TAFA4: variants seen among roughly 807,000 people sequenced by gnomAD.
TAFA4 encodes TAFA chemokine like family member 4, also known as chemokine-like protein TAFA-4.
TAFA4 carries 20 observed loss-of-function variants against 21.1 expected under a neutral mutation model. The ratio of observed to expected loss-of-function variants is 0.95; its 90% CI spans 0.67 to 1.38. The LOEUF is 1.38. Among genes scored for constraint, TAFA4 ranks in the 40% most tolerant of loss-of-function variants. The pLI, the probability that TAFA4 is intolerant of heterozygous loss-of-function variation, is 0.00. For synonymous variants in TAFA4, 71 were observed against 67.4 expected (o/e 1.05, Z -0.26); for missense variants, 211 against 180.9 (o/e 1.17, Z -0.95).
Position 68,883,956 on chromosome 3 carries a change from CAGGCAGGGAGGCAGGG to C in TAFA4, c.14+1203_14+1218del, listed in dbSNP as rs573124814. Among the ~76,000 whole-genome samples the C allele has an allele frequency of 9.9e-3, 1,474 of 148,606 alleles. 11 individuals carry two copies. Among genetic ancestry groups the C allele is most frequent in the Non-Finnish European group, 0.015 (1,001 of 67,560 alleles). ...CAAAAAAAGAAGGCAGGCAGGCAGGCAGGCAGGGAGGCAGGGAGGGAAAGACAAAAAAAAATGATGA... is the reference window on the plus strand; with the variant it reads ...CAAAAAAAGAAGGCAGGCAGGCAGGCAGGGAAAGACAAAAAAAAATGATGA... On this transcript the variant is annotated intron_variant, in intron 2 of 5. Coordinates refer to ENST00000295569, the MANE Select transcript of TAFA4 (RefSeq NM_182522.5).
At chr3:68,802,321 A>G (rs977893882) in intron 3 of TAFA4, among the ~76,000 whole-genome samples, 5 of 152,170 alleles carry the variant, frequency 3.3e-5, no homozygotes, top group Non-Finnish European at 7.3e-5. Flanking sequence ...TAATTCAAGT[A>G]TCCTAATTTA....
intron 5 of TAFA4, among the ~76,000 whole-genome samples, chr3:68,736,231 C>T (rs2106722620): frequency 6.6e-6 from 1 of 151,936 alleles, no homozygotes; most frequent in Admixed American, 6.6e-5. Context: ...CTTTAGCTCA[C>T]CGAATGCAGC....
In TAFA4 at chr3:68,746,906, G is replaced by A. The variant is rs138969335; in HGVS notation, c.286+5957C>T. On this transcript the variant is annotated intron_variant, in intron 4 of 5. Coordinates refer to ENST00000295569, the MANE Select transcript of TAFA4 (RefSeq NM_182522.5). Reference sequence around the variant, plus strand: ...ATTTGGACCTTGTTAATTCTTTATCGTGGCGGTCAATCCTGTACATTGTAA... The same window carrying A: ...ATTTGGACCTTGTTAATTCTTTATCATGGCGGTCAATCCTGTACATTGTAA... Among the ~76,000 whole-genome samples, 25 of 152,194 alleles carry A rather than the reference G, an allele frequency of 1.6e-4. No homozygotes were observed. In the East Asian group the frequency reaches 4.1e-3, roughly 25 times the overall value.
intron 5 of TAFA4, among the ~76,000 whole-genome samples, chr3:68,735,615 G>T (rs1702228493): frequency 6.6e-6 from 1 of 152,040 alleles, no homozygotes; most frequent in Non-Finnish European, 1.5e-5. Context: ...ATGACCCATG[G>T]TGATGGCCTA....
intron 1 of TAFA4, among the ~76,000 whole-genome samples, chr3:68,889,547 C>T (rs755437886): frequency 1.6e-4 from 24 of 152,130 alleles, no homozygotes; most frequent in Non-Finnish European, 2.9e-4. Flanking sequence ...AATACCTCTT[C>T]GGTCTGCTAC....
intron 3 of TAFA4, among the ~76,000 whole-genome samples, chr3:68,868,508 CA>C: frequency 6.6e-6 from 1 of 151,926 alleles, no homozygotes; most frequent in East Asian, 1.9e-4. Context: ...AGTGACAAAA[CA>C]AGTCTCAACA....
At chr3:68,758,710 A>G (rs1337395830) in intron 3 of TAFA4, among the ~76,000 whole-genome samples, 1 of 152,242 alleles carries the variant, frequency 6.6e-6, no homozygotes, top group Non-Finnish European at 1.5e-5. Flanking sequence ...TTCCTGGCAC[A>G]GGAGGTAGGT....
rs1304586262 is a variant in TAFA4, at chr3:68,732,424, G to A, written c.*718C>T. 3 of 152,440 alleles carry A rather than the reference G, an allele frequency of 2.0e-5. No individual in the cohort carries two copies. The highest frequency in any genetic ancestry group is 7.2e-5 in the African/African-American group (3 of 41,386). The allele number at this position is 152,440 out of a possible 1,614,324, so 9.4% of individuals were successfully genotyped here. A position where few individuals can be genotyped will look rare whatever the true frequency, so the allele number is the denominator to read the frequency against. On this transcript the variant is annotated 3_prime_UTR_variant, in exon 6 of 6. Coordinates refer to ENST00000295569, the MANE Select transcript of TAFA4 (RefSeq NM_182522.5). ...AGTTTTATAAATATGTTCTGATAGA[G>A]CTTTGGTTATAAAATATTGGAATTG...
At chr3:68,817,981 T>G (rs984617360) in intron 3 of TAFA4, among the ~76,000 whole-genome samples, 2 of 152,180 alleles carry the variant, frequency 1.3e-5, no homozygotes, top group African/African-American at 4.8e-5. Context: ...TTTGAAGCTT[T>G]GGAGCCTAGC....
chr3:68,767,783 A>AAT (rs916418744), intron 3 of TAFA4, among the ~76,000 whole-genome samples: 21 of 151,516 alleles, frequency 1.4e-4, no homozygotes, highest in Middle Eastern at 3.4e-3. Context: ...TATACATACA[A>AAT]ATATATATAT....
chr3:68,864,503 G>C (rs1043093983), intron 3 of TAFA4, among the ~76,000 whole-genome samples: 1 of 152,098 alleles, frequency 6.6e-6, no homozygotes, highest in Non-Finnish European at 1.5e-5. Context: ...TGGTGAGCAC[G>C]CATCGGTACA....
chr3:68,733,831 C>T (rs1030120768), intron 5 of TAFA4, among the ~76,000 whole-genome samples: 1 of 152,162 alleles, frequency 6.6e-6, no homozygotes, highest in African/African-American at 2.4e-5. Flanking sequence ...CATACCCAGG[C>T]TTTAGACCCA....
chr3:68,749,075 A>C (rs557449069), intron 4 of TAFA4, among the ~76,000 whole-genome samples: 4 of 152,342 alleles, frequency 2.6e-5, no homozygotes, highest in Non-Finnish European at 1.5e-5. Context: ...CCCATACCAC[A>C]GTCTCACGAT....
chr3:68,908,486 G>A (rs1484490184), intron 1 of TAFA4, among the ~76,000 whole-genome samples: 1 of 149,382 alleles, frequency 6.7e-6, no homozygotes, highest in East Asian at 2.0e-4. Context: ...AAGCTAAGAA[G>A]GGAAACAGCC....
intron 1 of TAFA4, among the ~76,000 whole-genome samples, chr3:68,924,686 C>A (rs976951766): frequency 1.3e-5 from 2 of 152,192 alleles, no homozygotes; most frequent in Non-Finnish European, 2.9e-5. Context: ...CCAGCAACAT[C>A]CTTACTCAAC....
chr3:68,903,385 A>T (rs935218809), intron 1 of TAFA4, among the ~76,000 whole-genome samples: 2 of 152,202 alleles, frequency 1.3e-5, no homozygotes, highest in Non-Finnish European at 2.9e-5. Context: ...GCAACAAACC[A>T]TTTAGCAGTT....
intron 4 of TAFA4, among the ~76,000 whole-genome samples, chr3:68,747,887 G>A (rs1702488430): frequency 2.0e-5 from 3 of 152,018 alleles, no homozygotes; most frequent in Non-Finnish European, 4.4e-5. Context: ...TCACATCAAG[G>A]GTCCTTTTAC....
chr3:68,784,490 G>A (rs931829332), intron 3 of TAFA4, among the ~76,000 whole-genome samples: 2 of 152,142 alleles, frequency 1.3e-5, no homozygotes, highest in African/African-American at 4.8e-5. Flanking sequence ...CCTTTGAGGT[G>A]AGTGTTACAG....
At chr3:68,913,201 T>G (rs1247800551) in intron 1 of TAFA4, among the ~76,000 whole-genome samples, 1 of 152,262 alleles carries the variant, frequency 6.6e-6, no homozygotes, top group East Asian at 1.9e-4. Flanking sequence ...CAAAACACTG[T>G]GCTGTGTGCT....
Sources: allele counts gnomAD v4.1 joint callset (sites outside exome capture counted in the v4.1 genomes callset), GRCh38; gene constraint gnomAD v4.1.1; transcripts MANE v1.5; gene names NCBI Gene and HGNC (gene_info 2026-07-23, HGNC 2026-07-21).